The following CTNNA2 variants were observed in gnomAD, a reference collection of about 807,000 sequenced individuals.
The protein encoded by CTNNA2 is catenin alpha 2.
In CTNNA2, 42 loss-of-function variants were observed where a neutral mutation model predicts 101.0. The ratio of observed to expected loss-of-function variants is 0.42; its 90% confidence interval spans 0.32 to 0.54. The LOEUF (loss-of-function observed/expected upper bound fraction) is 0.54. Among genes scored for constraint, CTNNA2 ranks in the 20% least tolerant of loss-of-function variants. The pLI, the probability that CTNNA2 is intolerant of heterozygous loss-of-function variation, is 0.14. For synonymous variants in CTNNA2, 450 were observed against 456.4 expected (o/e 0.99, Z 0.18); for missense variants, 871 against 1,223.1 (o/e 0.71, Z 4.29).
intron 7 of CTNNA2, among the ~76,000 whole-genome samples, chr2:80,034,856 G>T (rs1255959127): frequency 6.6e-6 from 1 of 152,142 alleles, no homozygotes; most frequent in Non-Finnish European, 1.5e-5. Flanking sequence ...TCCTGTAGAA[G>T]AAGTCTGTTT....
At chr2:80,596,052 G>A (rs779962732) in intron 15 of CTNNA2, among the ~76,000 whole-genome samples, 1 of 151,912 alleles carries the variant, frequency 6.6e-6, no homozygotes, top group Non-Finnish European at 1.5e-5. Context: ...GCAGTGGTTT[G>A]TAGTTCTCAT....
intron 7 of CTNNA2, among the ~76,000 whole-genome samples, chr2:80,372,254 C>T (rs1436083870): frequency 6.9e-6 from 1 of 144,868 alleles, no homozygotes; most frequent in Admixed American, 7.1e-5. Flanking sequence ...AACCCCAGAA[C>T]CTCTCCACTA....
chr2:79,814,264 G>T (rs1250477594), intron 3 of CTNNA2, among the ~76,000 whole-genome samples: 1 of 152,060 alleles, frequency 6.6e-6, no homozygotes, highest in Non-Finnish European at 1.5e-5. Context: ...AGGTTATTGG[G>T]GTACAGGTGG....
At chr2:80,362,911 G>A (rs868132316) in intron 7 of CTNNA2, among the ~76,000 whole-genome samples, 2 of 151,680 alleles carry the variant, frequency 1.3e-5, no homozygotes, top group South Asian at 4.2e-4. Flanking sequence ...CTTCAGTCCA[G>A]GAGTTTGAGG....
intron 4 of CTNNA2, among the ~76,000 whole-genome samples, chr2:79,436,720 C>A (rs991474780): frequency 6.6e-6 from 1 of 152,062 alleles, no homozygotes; most frequent in Admixed American, 6.5e-5. Context: ...CAAGCTTCCC[C>A]TCCTGGGTTC....
At chr2:80,618,402 T>TTTTA (rs1699025145) in intron 17 of CTNNA2, among the ~76,000 whole-genome samples, 1 of 151,840 alleles carries the variant, frequency 6.6e-6, no homozygotes, top group Non-Finnish European at 1.5e-5. Flanking sequence ...GATTGTAACA[T>TTTTA]TTTATATTGA....
At chr2:79,971,600 A>T (rs545785447) in intron 7 of CTNNA2, among the ~76,000 whole-genome samples, 1 of 152,252 alleles carries the variant, frequency 6.6e-6, no homozygotes, top group South Asian at 2.1e-4. Context: ...TATGGCTTTA[A>T]CGTATTGTCT....
intron 7 of CTNNA2, among the ~76,000 whole-genome samples, chr2:80,110,476 A>G (rs968977230): frequency 6.6e-6 from 1 of 152,166 alleles, no homozygotes; most frequent in Non-Finnish European, 1.5e-5. Context: ...CCCAGTATAT[A>G]TGGCACAGGG....
At chr2:80,406,759 G>A (rs1427813950) in intron 8 of CTNNA2, among the ~76,000 whole-genome samples, 11 of 138,380 alleles carry the variant, frequency 7.9e-5, no homozygotes, top group South Asian at 6.3e-4. Context: ...CCCGGGAGGC[G>A]GAGCTTGCAG....
At chr2:80,380,888 T>TG (rs1350577696) in intron 7 of CTNNA2, among the ~76,000 whole-genome samples, 1 of 152,216 alleles carries the variant, frequency 6.6e-6, no homozygotes, top group African/African-American at 2.4e-5. Context: ...ATGGTGTTTA[T>TG]GGGAGCCACA....
intron 1 of CTNNA2, among the ~76,000 whole-genome samples, chr2:79,626,516 A>G (rs1055467520): frequency 2.0e-5 from 3 of 152,028 alleles, no homozygotes; most frequent in Non-Finnish European, 4.4e-5. Flanking sequence ...AAATTTAACC[A>G]ATCCTGTGCA....
At chr2:79,631,712 C>T (rs1305610572) in intron 1 of CTNNA2, among the ~76,000 whole-genome samples, 3 of 152,190 alleles carry the variant, frequency 2.0e-5, no homozygotes, top group Non-Finnish European at 4.4e-5. Context: ...ACCATGTGTA[C>T]TTTCTAAAGC....
chr2:80,362,984 A>G (rs1247597730), intron 7 of CTNNA2, among the ~76,000 whole-genome samples: 5 of 142,760 alleles, frequency 3.5e-5, no homozygotes, highest in African/African-American at 1.4e-4. Context: ...TAGCCTGGGC[A>G]ACATAGCAAG....
intron 9 of CTNNA2, among the ~76,000 whole-genome samples, chr2:80,509,019 G>A (rs1688497898): frequency 6.6e-6 from 1 of 151,930 alleles, no homozygotes; most frequent in South Asian, 2.1e-4. Flanking sequence ...CTAATTATCT[G>A]TGGATCAAAC....
chr2:80,356,513 TAGGCCAGCCA>T (rs1673817899), intron 7 of CTNNA2, among the ~76,000 whole-genome samples: 1 of 152,126 alleles, frequency 6.6e-6, no homozygotes, highest in Non-Finnish European at 1.5e-5. Context: ...GTACCCATGA[TAGGCCAGCCA>T]CTGTCCTGGC....
At chr2:79,868,301 A>G (rs1048699600) in intron 4 of CTNNA2, among the ~76,000 whole-genome samples, 2 of 152,194 alleles carry the variant, frequency 1.3e-5, no homozygotes, top group African/African-American at 2.4e-5. Context: ...TGTGGCATCT[A>G]GATTAACCTC....
intron 3 of CTNNA2, among the ~76,000 whole-genome samples, chr2:79,366,048 A>G (rs1677742900): frequency 6.6e-6 from 1 of 152,212 alleles, no homozygotes; most frequent in Admixed American, 6.5e-5. Context: ...ATTAACAAAA[A>G]ATTAGAGAAC....
At chr2:79,687,618 C>G in intron 2 of CTNNA2, 1 of 691,166 alleles carries the variant, frequency 1.4e-6, no homozygotes, top group Non-Finnish European at 2.7e-6. Context: ...ATCTGTATTG[C>G]TGACTGTCAT....
intron 9 of CTNNA2, among the ~76,000 whole-genome samples, chr2:80,505,444 A>G (rs1347621302): frequency 6.6e-6 from 1 of 152,226 alleles, no homozygotes; most frequent in Non-Finnish European, 1.5e-5. Flanking sequence ...CATATTCTTT[A>G]AGTCTGCCAT....
Sources: allele counts gnomAD v4.1 joint callset (sites outside exome capture counted in the v4.1 genomes callset), GRCh38; gene constraint gnomAD v4.1.1; transcripts MANE v1.5; gene names NCBI Gene and HGNC (gene_info 2026-07-23, HGNC 2026-07-21).